MB21D2: variants seen among roughly 807,000 people sequenced by gnomAD.
MB21D2 encodes Mab-21 domain containing 2.
MB21D2 carries 9 observed loss-of-function variants against 33.3 expected under a neutral mutation model. The observed-to-expected ratio is 0.27, with a 90% CI of 0.16 to 0.47. The LOEUF is 0.47. Among genes scored for constraint, MB21D2 ranks in the 20% least tolerant of loss-of-function variants. The pLI, the probability that MB21D2 is intolerant of heterozygous loss-of-function variation, is 0.99. For synonymous variants in MB21D2, 241 were observed against 236.3 expected, an observed-to-expected ratio of 1.02 and a Z score of -0.18; for missense variants, 540 against 624.6, an observed-to-expected ratio of 0.86 and a Z score of 1.44.
At chr3:192,916,829 G>A (rs146079276) in intron 1 of MB21D2, among the ~76,000 whole-genome samples, 18 of 152,290 alleles carry the variant, frequency 1.2e-4, no homozygotes, top group African/African-American at 3.8e-4. Flanking sequence ...CGTCTCCGCG[G>A]TTGGAAACTC....
At chr3:192,804,936 C>T (rs1711632086) in intron 1 of MB21D2, among the ~76,000 whole-genome samples, 1 of 152,096 alleles carries the variant, frequency 6.6e-6, no homozygotes, top group Non-Finnish European at 1.5e-5. Flanking sequence ...TCTTAATGAC[C>T]CCAGTTGGAA....
intron 1 of MB21D2, among the ~76,000 whole-genome samples, chr3:192,817,846 C>T (rs541998725): frequency 4.7e-4 from 72 of 152,230 alleles, no homozygotes; most frequent in African/African-American, 1.6e-3. Context: ...AATCCTTCCA[C>T]GGTGCCCCCA....
At chr3:192,876,115 A>G (rs1713422225) in intron 1 of MB21D2, among the ~76,000 whole-genome samples, 1 of 152,208 alleles carries the variant, frequency 6.6e-6, no homozygotes, top group Admixed American at 6.5e-5. Context: ...CTCTAGTGTT[A>G]AGACATCCAA....
At chr3:192,841,117 T>G (rs1472741549) in intron 1 of MB21D2, among the ~76,000 whole-genome samples, 1 of 152,212 alleles carries the variant, frequency 6.6e-6, no homozygotes. Flanking sequence ...CAACACATTA[T>G]TTTGAAAACA....
intron 1 of MB21D2, among the ~76,000 whole-genome samples, chr3:192,835,796 G>A (rs1416403898): frequency 1.3e-5 from 2 of 150,508 alleles, no homozygotes; most frequent in Admixed American, 6.6e-5. Flanking sequence ...AATTCATGGT[G>A]AAAAACCTGA....
chr3:192,900,140 C>T (rs771205272), intron 1 of MB21D2, among the ~76,000 whole-genome samples: 65 of 151,876 alleles, frequency 4.3e-4, no homozygotes, highest in Non-Finnish European at 7.8e-4. Context: ...AAAAATTAGC[C>T]AGGCGTCGTG....
intron 1 of MB21D2, among the ~76,000 whole-genome samples, chr3:192,832,813 G>A (rs917792689): frequency 1.3e-5 from 2 of 152,088 alleles, no homozygotes; most frequent in Admixed American, 1.3e-4. Flanking sequence ...GGGGACCGGG[G>A]GGAAGAGTAC....
intron 1 of MB21D2, among the ~76,000 whole-genome samples, chr3:192,906,533 C>T (rs1470738813): frequency 6.6e-6 from 1 of 152,228 alleles, no homozygotes; most frequent in Non-Finnish European, 1.5e-5. Flanking sequence ...TACACTTCCA[C>T]CCAGTCTTCA....
intron 1 of MB21D2, among the ~76,000 whole-genome samples, chr3:192,908,751 C>T (rs551654468): frequency 1.2e-4 from 18 of 151,918 alleles, no homozygotes; most frequent in Non-Finnish European, 2.2e-4. Flanking sequence ...TATAGGAAGG[C>T]TTCATGAGTC....
rs899459861 is a variant in MB21D2, at chr3:192,878,139, G to A, written c.211+39491C>T. On this transcript the variant is annotated intron_variant, in intron 1 of 1. Coordinates refer to ENST00000392452, the MANE Select transcript of MB21D2 (RefSeq NM_178496.4). ...TTTTGAGACGGAGTCTCGCTCTGTC[G>A]CCCAGGCTGGAGTGCAGTGGCGCAA... Among the ~76,000 whole-genome samples the A allele has an allele frequency of 9.5e-5, 12 of 126,054 alleles. 1 individual carries two copies. Among genetic ancestry groups the A allele is most frequent in the Admixed American group, 8.1e-4 (8 of 9,902 alleles). 82.7% of individuals were successfully genotyped at this position (126,054 alleles called of 152,430 possible). A position where few individuals can be genotyped will look rare whatever the true frequency, so the allele number is the denominator to read the frequency against.
intron 1 of MB21D2, among the ~76,000 whole-genome samples, chr3:192,890,182 C>A (rs999008850): frequency 2.6e-5 from 4 of 152,072 alleles, no homozygotes; most frequent in African/African-American, 9.7e-5. Flanking sequence ...GCTTCCCTCA[C>A]AGAACAGGTA....
intron 1 of MB21D2, among the ~76,000 whole-genome samples, chr3:192,902,630 G>A (rs562761183): frequency 2.0e-5 from 3 of 152,128 alleles, no homozygotes; most frequent in Non-Finnish European, 4.4e-5. Flanking sequence ...AAAATGATGG[G>A]GTGGATGAGC....
At chr3:192,900,834 G>A (rs939324920) in intron 1 of MB21D2, among the ~76,000 whole-genome samples, 2 of 152,038 alleles carry the variant, frequency 1.3e-5, no homozygotes, top group Non-Finnish European at 2.9e-5. Context: ...CCACCTACTC[G>A]GGAGGCTGAG....
At chr3:192,843,369 G>A (rs1206384164) in intron 1 of MB21D2, among the ~76,000 whole-genome samples, 6 of 152,148 alleles carry the variant, frequency 3.9e-5, no homozygotes, top group African/African-American at 9.7e-5. Context: ...CAAGTGCTAA[G>A]AACCCAGCTT....
At position 192,912,673 on chromosome 3, in the gene MB21D2, C is replaced by CA. The variant is rs199707656; in HGVS notation, c.211+4956dup. ...GGGCAACAAGGGCAAAACTGTATCTCAAAAAAAAAAGAAAAAAGAAAAAAA... is the reference window on the plus strand; with the variant it reads ...GGGCAACAAGGGCAAAACTGTATCTCAAAAAAAAAAAGAAAAAAGAAAAAAA... On this transcript the variant is annotated intron_variant, in intron 1 of 1. Coordinates refer to ENST00000392452, the MANE Select transcript of MB21D2 (RefSeq NM_178496.4). 1.0e-3 allele frequency among the ~76,000 whole-genome samples: 147 copies of CA among 143,514 alleles called. 4 individuals carry two copies. In the East Asian group the frequency reaches 0.02, roughly 19 times the overall value. The allele number at this position is 143,514 out of a possible 152,430, so 94.2% of individuals were successfully genotyped here.
At chr3:192,816,169 C>T (rs539259703) in intron 1 of MB21D2, among the ~76,000 whole-genome samples, 1 of 151,442 alleles carries the variant, frequency 6.6e-6, no homozygotes, top group Non-Finnish European at 1.5e-5. Context: ...TCCAAAAGTC[C>T]AGTTTGGGTT....
intron 1 of MB21D2, among the ~76,000 whole-genome samples, chr3:192,914,252 A>G (rs963399840): frequency 2.6e-5 from 4 of 152,212 alleles, no homozygotes; most frequent in Admixed American, 6.5e-5. Context: ...GTAATGGGAA[A>G]GCAATACCTC....
At chr3:192,829,051 G>T (rs752769243) in intron 1 of MB21D2, among the ~76,000 whole-genome samples, 26 of 152,110 alleles carry the variant, frequency 1.7e-4, no homozygotes, top group Non-Finnish European at 3.4e-4. Context: ...ACCCCAAAAA[G>T]TTTTCTCACA....
At chr3:192,851,022 A>ACTGGCAATAT (rs1553858473) in intron 1 of MB21D2, among the ~76,000 whole-genome samples, 5 of 152,186 alleles carry the variant, frequency 3.3e-5, no homozygotes, top group African/African-American at 1.2e-4. Flanking sequence ...CTTCTTCTTT[A>ACTGGCAATAT]CTGGCAATAT....
Sources: gnomAD v4.1 joint callset for allele counts (sites outside exome capture counted in the v4.1 genomes callset) on GRCh38, gnomAD v4.1.1 for gene constraint, MANE v1.5 for transcripts, NCBI Gene and HGNC (gene_info 2026-07-23, HGNC 2026-07-21) for gene names.